USP45: variants seen among roughly 807,000 people sequenced by gnomAD.
USP45 encodes the protein ubiquitin carboxyl-terminal hydrolase 45.
A neutral mutation model predicts 95.8 loss-of-function variants in USP45; 89 were observed. The ratio of observed to expected loss-of-function variants is 0.93; its 90% CI spans 0.78 to 1.11. The LOEUF (loss-of-function observed/expected upper bound fraction) is 1.11. USP45 is among the 50% of genes least tolerant of loss of function. The pLI is 0.00. For synonymous variants in USP45, 281 were observed against 316.2 expected (o/e 0.89, Z 1.18); for missense variants, 898 against 942.5 (o/e 0.95, Z 0.62).
chr6:99,458,791 C>G (rs1466557064), intron 13 of USP45, among the ~76,000 whole-genome samples: 1 of 152,056 alleles, frequency 6.6e-6, no homozygotes, highest in East Asian at 1.9e-4. Context: ...TGAGCAGAGG[C>G]TACAGGAGGA....
intron 5 of USP45, among the ~76,000 whole-genome samples, chr6:99,494,746 T>C (rs570294855): frequency 3.5e-4 from 53 of 152,092 alleles, no homozygotes; most frequent in African/African-American, 1.2e-3. Context: ...ATACAAAAAT[T>C]AGCTGGGCAT....
Position 99,477,645 on chromosome 6 carries a change from T to G in USP45, c.846-1415A>C, listed in dbSNP as rs565189947. Among the ~76,000 whole-genome samples the G allele has an allele frequency of 8.5e-5, 13 of 152,294 alleles. No homozygotes were observed. In the South Asian group the frequency reaches 2.7e-3, roughly 32 times the overall value. On this transcript the variant is annotated intron_variant, in intron 8 of 17. Coordinates refer to ENST00000500704, the MANE Select transcript of USP45 (RefSeq NM_001346022.3). Reference sequence around the variant, plus strand: ...GTACTTTCAGCATTATTCTTCATTATCTCAGGATAAATATTAATCCTAATA... The same window carrying G: ...GTACTTTCAGCATTATTCTTCATTAGCTCAGGATAAATATTAATCCTAATA...
chr6:99,484,175 C>T (rs945805481), intron 7 of USP45, among the ~76,000 whole-genome samples: 254 of 139,478 alleles, frequency 1.8e-3, no homozygotes, highest in African/African-American at 6.4e-3. Flanking sequence ...TGTGTTTTTT[C>T]TTTTTTTTTT....
At chr6:99,465,494 G>A (rs1251636299) in intron 11 of USP45, among the ~76,000 whole-genome samples, 1 of 151,970 alleles carries the variant, frequency 6.6e-6, no homozygotes, top group Non-Finnish European at 1.5e-5. Context: ...TTAAGAAAAA[G>A]CCATGAAAAA....
intron 11 of USP45, among the ~76,000 whole-genome samples, chr6:99,466,208 TG>T (rs1562353171): frequency 1.3e-5 from 2 of 152,058 alleles, no homozygotes; most frequent in Non-Finnish European, 2.9e-5. Flanking sequence ...TTAGTAGAGA[TG>T]GGGTTTCACC....
rs886273945 is a variant in USP45, at chr6:99,435,783, T to C, written c.2378A>G (p.Gln793Arg). ...AAGTGCTCTTGATTCTGGAACCACC[T>C]GTAAGTAAGTGTCACTAACATGGAC... ...QWVHVSDTYL[Q>R]VVPESRALSA... is the part of the protein sequence containing the mutation. The change falls in exon 18 of 18, where the codon CAG becomes CGG. Residue 793 changes from glutamine (Q) to arginine (R), a missense_variant. Physicochemically the swap from Gln to Arg is conservative, Grantham distance 43 (BLOSUM62 1). Transcript: ENST00000500704. 1 of 1,613,574 alleles carries C rather than the reference T, an allele frequency of 6.2e-7. No individual in the cohort carries two copies. The highest frequency in any genetic ancestry group is 1.3e-5 in the African/African-American group (1 of 74,934).
chr6:99,444,555 C>T (rs527400459), intron 14 of USP45, among the ~76,000 whole-genome samples: 8 of 152,122 alleles, frequency 5.3e-5, no homozygotes, highest in South Asian at 2.1e-4. Context: ...GAGCCCAGAG[C>T]GCATACCCCA....
Position 99,488,695 on chromosome 6 carries a change from TA to T in USP45, c.603del (p.Phe201LeufsTer17). 6.2e-7 allele frequency: 1 copy of T among 1,600,174 alleles called. No individual in the cohort carries two copies. Among genetic ancestry groups the T allele is most frequent in the Non-Finnish European group, 8.5e-7 (1 of 1,174,744 alleles). On this transcript the variant is annotated frameshift_variant, in exon 6 of 18. Coordinates refer to ENST00000500704, the MANE Select transcript of USP45 (RefSeq NM_001346022.3). LOFTEE classifies it high-confidence loss of function. ...GITNLGNTCF[F>X]NAVMQNLAQT... Reference sequence around the variant, plus strand: ...ATGACTCTTACCTGCATGACTGCATTAAAAAAGCAAGTATTTCCTAAATTTG... The same window carrying T: ...ATGACTCTTACCTGCATGACTGCATTAAAAAGCAAGTATTTCCTAAATTTG...
Position 99,433,000 on chromosome 6 carries a change from TTA to T in USP45, c.*2714_*2715del, listed in dbSNP as rs1174228791. Reference sequence around the variant, plus strand: ...TGAATTGATACCAACTGTCTTCTTTTTATTTATTTTTGAGACAGGGTCTCACT... The same window carrying T: ...TGAATTGATACCAACTGTCTTCTTTTTTTATTTTTGAGACAGGGTCTCACT... On this transcript the variant is annotated 3_prime_UTR_variant, in exon 18 of 18. Coordinates refer to ENST00000500704, the MANE Select transcript of USP45 (RefSeq NM_001346022.3). 2.6e-5 allele frequency: 4 copies of T among 152,268 alleles called. No individual in the cohort carries two copies. Among genetic ancestry groups the T allele is most frequent in the Non-Finnish European group, 5.9e-5 (4 of 68,036 alleles). The allele number at this position is 152,268 out of a possible 1,614,324, so 9.4% of individuals were successfully genotyped here. A position where few individuals can be genotyped will look rare whatever the true frequency, so the allele number is the denominator to read the frequency against.
At chr6:99,453,091 G>A (rs1784253412) in intron 13 of USP45, among the ~76,000 whole-genome samples, 1 of 151,630 alleles carries the variant, frequency 6.6e-6, no homozygotes, top group Non-Finnish European at 1.5e-5. Flanking sequence ...GCGAGTCAAT[G>A]GGTGCAGCAC....
intron 16 of USP45, 31 bp from the exon 17 acceptor site, chr6:99,437,430 T>A (rs189547089): frequency 6.4e-7 from 1 of 1,555,320 alleles, no homozygotes; most frequent in Admixed American, 2.2e-5. Context: ...CCCAAATTAG[T>A]AATATTTGTT....
chr6:99,479,910 T>G (rs1021017340), intron 8 of USP45, among the ~76,000 whole-genome samples: 1 of 152,122 alleles, frequency 6.6e-6, no homozygotes, highest in African/African-American at 2.4e-5. Flanking sequence ...TCCCTGACAG[T>G]GATATAAAAT....
At chr6:99,468,465 G>A (rs1040045034) in intron 10 of USP45, 72 bp downstream of exon 10, 1 of 1,056,884 alleles carries the variant, frequency 9.5e-7, no homozygotes, top group Non-Finnish European at 1.4e-6. Flanking sequence ...ATAATGTTCA[G>A]TTCTTTTTCC....
intron 5 of USP45, among the ~76,000 whole-genome samples, chr6:99,499,547 T>C (rs1796971714): frequency 6.6e-6 from 1 of 152,218 alleles, no homozygotes; most frequent in Non-Finnish European, 1.5e-5. Context: ...ATCCTGTAGC[T>C]TGACCCACAG....
intron 5 of USP45, among the ~76,000 whole-genome samples, chr6:99,498,418 A>G (rs1796744523): frequency 6.6e-6 from 1 of 152,222 alleles, no homozygotes; most frequent in Non-Finnish European, 1.5e-5. Flanking sequence ...CAGTCTTGAG[A>G]GAAAATAAGA....
chr6:99,439,497 C>T (rs1321167874), intron 16 of USP45, among the ~76,000 whole-genome samples: 1 of 152,170 alleles, frequency 6.6e-6, no homozygotes, highest in Non-Finnish European at 1.5e-5. Context: ...CTCTCAGCAA[C>T]CATCAGCTTC....
rs757334639 is a variant in USP45 at position 99,503,891 on chromosome 6, ATAT to A, written c.378-29_378-27del. ...CTGAAAAAGTATAAAATTTAAGAAA[ATAT>A]TATGAAAATATTCTCAATAATTTTG... On this transcript the variant is annotated intron_variant, in intron 4 of 17. Coordinates refer to ENST00000500704, the MANE Select transcript of USP45 (RefSeq NM_001346022.3). 1.9e-4 allele frequency: 280 copies of A among 1,440,230 alleles called. 1 individual carries two copies. The Middle Eastern group carries it at 3.5e-3, about 18-fold the overall frequency. The allele number at this position is 1,440,230 out of a possible 1,614,324, so 89.2% of individuals were successfully genotyped here.
chr6:99,512,550 C>G (rs1460953190), intron 1 of USP45, among the ~76,000 whole-genome samples: 1 of 152,134 alleles, frequency 6.6e-6, no homozygotes, highest in Non-Finnish European at 1.5e-5. Context: ...TACTCTCCTG[C>G]CTGGTGGCTA....
At chr6:99,480,752 A>G (rs1448287515) in intron 8 of USP45, among the ~76,000 whole-genome samples, 6 of 152,204 alleles carry the variant, frequency 3.9e-5, no homozygotes, top group Admixed American at 3.3e-4. Flanking sequence ...CTTACTATGA[A>G]GCTACAGTAA....
Sources: allele counts gnomAD v4.1 joint callset (sites outside exome capture counted in the v4.1 genomes callset), GRCh38; gene constraint gnomAD v4.1.1; transcripts MANE v1.5; gene names NCBI Gene and HGNC (gene_info 2026-07-23, HGNC 2026-07-21).